Variants in PTPRD observed in about 807,000 individuals in gnomAD.
PTPRD encodes the protein receptor-type tyrosine-protein phosphatase delta.
Under a neutral mutation model 214.5 loss-of-function variants are expected in PTPRD, and 34 were observed. The observed-to-expected ratio is 0.16, with a 90% CI of 0.12 to 0.21. PTPRD has a LOEUF of 0.21. PTPRD is among the 10% of genes least tolerant of loss of function. The pLI is 1.00. For missense variants in PTPRD, 2,545 were observed against 2,398.7 expected, an observed-to-expected ratio of 1.06 and a Z score of -1.27; for synonymous variants, 1,128 against 845.7, an observed-to-expected ratio of 1.33 and a Z score of -5.79.
intron 31 of PTPRD, among the ~76,000 whole-genome samples, chr9:8,470,215 C>T (rs570762906): frequency 6.3e-4 from 96 of 152,194 alleles, no homozygotes; most frequent in African/African-American, 2.2e-3. Flanking sequence ...TACTCATTAA[C>T]TTGCTGTGGT....
At chr9:9,063,015 T>C (rs568258421) in intron 10 of PTPRD, among the ~76,000 whole-genome samples, 1 of 152,298 alleles carries the variant, frequency 6.6e-6, no homozygotes, top group South Asian at 2.1e-4. Flanking sequence ...ATGGTCATTC[T>C]TAGCCTAACA....
intron 9 of PTPRD, among the ~76,000 whole-genome samples, chr9:9,334,504 A>G (rs1460367176): frequency 6.6e-6 from 1 of 152,010 alleles, no homozygotes; most frequent in Non-Finnish European, 1.5e-5. Context: ...GTGACAGAAT[A>G]AAATATTTGA....
At chr9:10,231,648 T>G (rs2099610319) in intron 3 of PTPRD, among the ~76,000 whole-genome samples, 1 of 151,938 alleles carries the variant, frequency 6.6e-6, no homozygotes, top group Admixed American at 6.6e-5. Context: ...GCCTGGCAAA[T>G]AGTAAGTGCT....
chr9:10,449,506 T>C (rs1261367567), intron 2 of PTPRD, among the ~76,000 whole-genome samples: 1 of 144,540 alleles, frequency 6.9e-6, no homozygotes, highest in Non-Finnish European at 1.5e-5. Context: ...GCCCATCGTC[T>C]GGGATGTGAG....
chr9:9,214,248 C>T (rs919964659), intron 9 of PTPRD, among the ~76,000 whole-genome samples: 13 of 152,168 alleles, frequency 8.5e-5, no homozygotes, highest in African/African-American at 2.7e-4. Flanking sequence ...CTCCAGATGC[C>T]CTCCAGCTAG....
At chr9:10,383,311 A>G (rs1233269245) in intron 2 of PTPRD, among the ~76,000 whole-genome samples, 3 of 151,878 alleles carry the variant, frequency 2.0e-5, no homozygotes, top group African/African-American at 7.2e-5. Flanking sequence ...AAGCAATTTT[A>G]GGTTAAAAAG....
intron 2 of PTPRD, among the ~76,000 whole-genome samples, chr9:10,366,469 A>AT (rs1369217942): frequency 6.6e-6 from 1 of 152,168 alleles, no homozygotes; most frequent in African/African-American, 2.4e-5. Flanking sequence ...AAACTGTGGA[A>AT]TGAGCACACT....
intron 8 of PTPRD, among the ~76,000 whole-genome samples, chr9:9,411,715 C>A (rs2075495481): frequency 6.6e-6 from 1 of 152,186 alleles, no homozygotes; most frequent in South Asian, 2.1e-4. Flanking sequence ...GCGAGAATGC[C>A]TGCCTGTTAA....
chr9:9,530,051 C>T (rs1269467190), intron 8 of PTPRD, among the ~76,000 whole-genome samples: 1 of 151,848 alleles, frequency 6.6e-6, no homozygotes, highest in Non-Finnish European at 1.5e-5. Context: ...CTACATCAAA[C>T]AAATATACAG....
At chr9:8,916,407 A>C (rs936685178) in intron 11 of PTPRD, among the ~76,000 whole-genome samples, 4 of 152,200 alleles carry the variant, frequency 2.6e-5, no homozygotes, top group Non-Finnish European at 4.4e-5. Flanking sequence ...TGGATACACT[A>C]TGAGAATATT....
At chr9:8,538,183 C>T (rs2077417876) in intron 14 of PTPRD, among the ~76,000 whole-genome samples, 1 of 151,968 alleles carries the variant, frequency 6.6e-6, no homozygotes, top group East Asian at 1.9e-4. Flanking sequence ...AAGCAGGTGT[C>T]ATTATACTCA....
intron 12 of PTPRD, among the ~76,000 whole-genome samples, chr9:8,673,237 G>A (rs1207423464): frequency 6.6e-6 from 1 of 151,838 alleles, no homozygotes; most frequent in Non-Finnish European, 1.5e-5. Flanking sequence ...CACAGCTAAA[G>A]GTTAACTGAA....
At chr9:8,889,234 A>G (rs960027410) in intron 11 of PTPRD, among the ~76,000 whole-genome samples, 1 of 152,144 alleles carries the variant, frequency 6.6e-6, no homozygotes, top group Non-Finnish European at 1.5e-5. Context: ...CCAGAAATAC[A>G]GAGAGATGGT....
At chr9:8,435,692 T>C (rs2095314741) in intron 35 of PTPRD, among the ~76,000 whole-genome samples, 1 of 131,382 alleles carries the variant, frequency 7.6e-6, no homozygotes, top group African/African-American at 2.8e-5. Context: ...TATACCACAA[T>C]ATCCAAATAC....
At chr9:9,758,044 G>A (rs1176043351) in intron 6 of PTPRD, among the ~76,000 whole-genome samples, 1 of 151,304 alleles carries the variant, frequency 6.6e-6, no homozygotes, top group East Asian at 2.0e-4. Flanking sequence ...CGTGTTGCTG[G>A]GGAAAAGTCC....
chr9:9,066,034 C>T (rs1162764117), intron 10 of PTPRD, among the ~76,000 whole-genome samples: 1 of 152,116 alleles, frequency 6.6e-6, no homozygotes, highest in African/African-American at 2.4e-5. Flanking sequence ...TGATTGTCAT[C>T]TCCAATGACA....
intron 2 of PTPRD, among the ~76,000 whole-genome samples, chr9:10,543,606 C>T (rs1447726833): frequency 1.3e-5 from 2 of 151,982 alleles, no homozygotes; most frequent in African/African-American, 2.4e-5. Context: ...TGGAAAATAA[C>T]ATTATGTTGT....
At chr9:9,765,745 T>C (rs976084334) in intron 6 of PTPRD, among the ~76,000 whole-genome samples, 1 of 152,200 alleles carries the variant, frequency 6.6e-6, no homozygotes, top group East Asian at 1.9e-4. Flanking sequence ...ACTGCAAGCT[T>C]CACCTCCTGG....
chr9:8,481,733 A>G (rs898520252), intron 30 of PTPRD, among the ~76,000 whole-genome samples: 5 of 152,056 alleles, frequency 3.3e-5, no homozygotes, highest in African/African-American at 9.7e-5. Context: ...CTTCCACGAA[A>G]CCATTGCTAT....
Sources: gnomAD v4.1 joint callset for allele counts (sites outside exome capture counted in the v4.1 genomes callset) on GRCh38, gnomAD v4.1.1 for gene constraint, MANE v1.5 for transcripts, NCBI Gene and HGNC (gene_info 2026-07-23, HGNC 2026-07-21) for gene names.